The following MAP3K1 variants were observed in gnomAD, a reference collection of about 807,000 sequenced individuals.
MAP3K1 encodes mitogen-activated protein kinase kinase kinase 1, also known as MAP/ERK kinase kinase 1.
In MAP3K1, 36 loss-of-function variants were observed where a neutral mutation model predicts 144.2. The ratio of observed to expected loss-of-function variants is 0.25; its 90% CI spans 0.19 to 0.33. The LOEUF is 0.33. Ranked by LOEUF, MAP3K1 falls within the 10% of genes least tolerant of loss-of-function variation. The pLI is 1.00. For synonymous variants in MAP3K1, 718 were observed against 688.7 expected (o/e 1.04, Z -0.67); for missense variants, 1,650 against 1,881.9 (o/e 0.88, Z 2.28).
At chr5:56,831,410 C>A (rs1746488236) in intron 1 of MAP3K1, among the ~76,000 whole-genome samples, 1 of 152,124 alleles carries the variant, frequency 6.6e-6, no homozygotes, top group Non-Finnish European at 1.5e-5. Context: ...AGGCTTCTTT[C>A]TAGGCAGATT....
rs1162894414 is a variant in MAP3K1, at chr5:56,881,775, A to G, written c.2575A>G (p.Ile859Val). Residue 859 changes from isoleucine (I) to valine (V), a missense_variant, in exon 14 of 20, where the codon ATT becomes GTT. By Grantham distance (29) the Ile-to-Val change is conservative. This residue lies in a region of MAP3K1 where 841 missense variants were observed against 886.5 expected (regional missense o/e 0.95). Coordinates refer to ENST00000399503, the MANE Select transcript of MAP3K1 (RefSeq NM_005921.2). ...CAGGATGCGTCGCCGTTTGATGGCT[A>G]TTGCAGATGAGGTGGAAATTGCCGA... ...FTRMRRRLMA[I>V]ADEVEIAEAI... is the part of the protein sequence containing the mutation. 11 of 1,613,958 alleles carry G rather than the reference A, an allele frequency of 6.8e-6. 1 individual carries two copies. Among genetic ancestry groups the G allele is most frequent in the Middle Eastern group, 3.3e-4 (2 of 6,084 alleles).
chr5:56,870,304 T>G (rs545357080), intron 6 of MAP3K1, among the ~76,000 whole-genome samples: 28 of 152,324 alleles, frequency 1.8e-4, no homozygotes, highest in African/African-American at 6.3e-4. Flanking sequence ...ACAAACTGAT[T>G]TTATGATTTG....
At chr5:56,861,434 T>TG (rs1199376887) in intron 3 of MAP3K1, among the ~76,000 whole-genome samples, 83 of 152,002 alleles carry the variant, frequency 5.5e-4, no homozygotes, top group Non-Finnish European at 8.8e-5. Flanking sequence ...TAGCCAGGCG[T>TG]GGTGGCAGGC....
intron 4 of MAP3K1, among the ~76,000 whole-genome samples, 158 bp downstream of exon 4, chr5:56,865,092 A>G (rs191974307): frequency 1.1e-3 from 164 of 152,292 alleles, no homozygotes; most frequent in Non-Finnish European, 2.2e-4. Flanking sequence ...TCTTTAATGT[A>G]TTTATGAGGT....
chr5:56,871,024 G>A (rs1439477157), intron 6 of MAP3K1, among the ~76,000 whole-genome samples: 1 of 151,898 alleles, frequency 6.6e-6, no homozygotes, highest in African/African-American at 2.4e-5. Flanking sequence ...TATTCCAATT[G>A]CCTTTTTATT....
chr5:56,890,081 C>T (rs553059422), intron 19 of MAP3K1, among the ~76,000 whole-genome samples: 60 of 152,236 alleles, frequency 3.9e-4, no homozygotes, highest in African/African-American at 1.4e-3. Context: ...TTAGTACATA[C>T]TTGTTTCTGA....
intron 1 of MAP3K1, among the ~76,000 whole-genome samples, chr5:56,838,737 G>A (rs981457143): frequency 2.0e-5 from 3 of 152,186 alleles, no homozygotes; most frequent in Admixed American, 6.5e-5. Flanking sequence ...CAGTGATCCC[G>A]TCTTCCAGTG....
At chr5:56,819,896 T>A (rs1276700165) in intron 1 of MAP3K1, among the ~76,000 whole-genome samples, 1 of 152,186 alleles carries the variant, frequency 6.6e-6, no homozygotes, top group Admixed American at 6.5e-5. Flanking sequence ...TGTGTAAGAT[T>A]AGGAGTAACC....
chr5:56,881,205 T>C lies in MAP3K1; in HGVS notation c.2302T>C (p.Phe768Leu), dbSNP rs752739541. 1 of 1,613,718 alleles carries C rather than the reference T, an allele frequency of 6.2e-7. No homozygotes were observed. The highest frequency in any genetic ancestry group is 8.5e-7 in the Non-Finnish European group (1 of 1,179,902). Residue 768 changes from phenylalanine (F) to leucine (L), a missense_variant, in exon 13 of 20, where the codon TTT (phenylalanine) becomes CTT (leucine). This residue lies in a region of MAP3K1 where 841 missense variants were observed against 886.5 expected (regional missense o/e 0.95). Transcript: ENST00000399503. ...LCLIDRLLLE[F>L]PAEFYPHIVS... The stretch of plus-strand genomic sequence containing the variant: ...TCTTATAGATAGACTGTTGTTGGAA[T>C]TTCCTGCTGAATTTTATCCTCATAT...
intron 1 of MAP3K1, among the ~76,000 whole-genome samples, chr5:56,840,802 A>G (rs939230435): frequency 3.9e-5 from 6 of 151,938 alleles, no homozygotes; most frequent in Non-Finnish European, 7.4e-5. Context: ...TTCATGTCTC[A>G]TTTCAGGCTA....
intron 1 of MAP3K1, among the ~76,000 whole-genome samples, chr5:56,836,856 A>G (rs1746670706): frequency 6.6e-6 from 1 of 152,198 alleles, no homozygotes; most frequent in South Asian, 2.1e-4. Flanking sequence ...AATCGATTCA[A>G]GTCTCAAGTC....
chr5:56,834,405 C>CTA (rs900853247), intron 1 of MAP3K1, among the ~76,000 whole-genome samples: 28 of 152,314 alleles, frequency 1.8e-4, no homozygotes, highest in African/African-American at 6.3e-4. Flanking sequence ...GTTGTAGGTT[C>CTA]TACCTGGATG....
At chr5:56,889,512 C>T (rs1419655143) in intron 19 of MAP3K1, among the ~76,000 whole-genome samples, 1 of 152,118 alleles carries the variant, frequency 6.6e-6, no homozygotes, top group African/African-American at 2.4e-5. Flanking sequence ...TCAGTTCAGT[C>T]CTGTCTGCCT....
At position 56,882,275 on chromosome 5, in the gene MAP3K1, T is replaced by C. The variant is rs1484587876; in HGVS notation, c.3075T>C (p.Phe1025=). The stretch of plus-strand genomic sequence containing the variant: ...CATCTCCTCAAACACAGCGCAAGTT[T>C]TCTCTACAATTCCACAGAAACTGTC... ...PSASPQTQRK[F]SLQFHRNCPE... The change falls in exon 14 of 20, where the codon TTT becomes TTC. Residue 1025 remains phenylalanine, a synonymous_variant. Transcript: ENST00000399503. 1 of 1,614,000 alleles carries C rather than the reference T, an allele frequency of 6.2e-7. No homozygotes were observed. Among genetic ancestry groups the C allele is most frequent in the Non-Finnish European group, 8.5e-7 (1 of 1,180,036 alleles).
At chr5:56,863,769 G>T (rs1459174431) in intron 3 of MAP3K1, among the ~76,000 whole-genome samples, 1 of 152,178 alleles carries the variant, frequency 6.6e-6, no homozygotes, top group Non-Finnish European at 1.5e-5. Context: ...AATTCTAATT[G>T]CTTTGTGGTC....
chr5:56,827,698 T>C (rs1746361002), intron 1 of MAP3K1, among the ~76,000 whole-genome samples: 1 of 152,120 alleles, frequency 6.6e-6, no homozygotes, highest in Non-Finnish European at 1.5e-5. Flanking sequence ...ACCCCGTCTC[T>C]ACTAAAAATA....
chr5:56,836,593 C>T (rs1579726941), intron 1 of MAP3K1, among the ~76,000 whole-genome samples: 1 of 152,064 alleles, frequency 6.6e-6, no homozygotes, highest in Non-Finnish European at 1.5e-5. Flanking sequence ...TGCTTCGGGT[C>T]GGGAGTGACT....
At chr5:56,844,819 G>A (rs1408912681) in intron 1 of MAP3K1, among the ~76,000 whole-genome samples, 1 of 152,146 alleles carries the variant, frequency 6.6e-6, no homozygotes, top group Admixed American at 6.5e-5. Context: ...AGGTGTGCCA[G>A]CATTCATTGA....
intron 19 of MAP3K1, among the ~76,000 whole-genome samples, chr5:56,890,721 G>A (rs556536325): frequency 1.8e-4 from 28 of 152,198 alleles, no homozygotes; most frequent in African/African-American, 4.6e-4. Context: ...AGTGCTACAA[G>A]ATACATTAAT....
Sources: gnomAD v4.1 joint callset for allele counts (sites outside exome capture counted in the v4.1 genomes callset) on GRCh38, gnomAD v4.1.1 for gene constraint, gnomAD v4.1.1 regional missense constraint, MANE v1.5 for transcripts, NCBI Gene and HGNC (gene_info 2026-07-23, HGNC 2026-07-21) for gene names.